PSMD14: variants seen among roughly 807,000 people sequenced by gnomAD.
PSMD14 encodes the protein ubiquitin C-terminal hydrolase PSMD14.
Under a neutral mutation model 41.2 loss-of-function variants are expected in PSMD14, and 7 were observed. The observed-to-expected ratio is 0.17, with a 90% CI of 0.10 to 0.32. PSMD14 has a LOEUF of 0.32. PSMD14 is among the 10% of genes least tolerant of loss of function. The pLI is 1.00. For missense variants in PSMD14, 139 were observed against 375.6 expected (o/e 0.37, Z 5.21); for synonymous variants, 114 against 122.3 (o/e 0.93, Z 0.45).
intron 3 of PSMD14, among the ~76,000 whole-genome samples, chr2:161,341,970 C>T (rs1480819249): frequency 6.6e-6 from 1 of 151,210 alleles, no homozygotes; most frequent in African/African-American, 2.4e-5. Flanking sequence ...TCTTTTCTTC[C>T]AGAAGTTTTA....
intron 1 of PSMD14, among the ~76,000 whole-genome samples, chr2:161,312,680 A>G (rs903760459): frequency 6.6e-6 from 1 of 152,228 alleles, no homozygotes; most frequent in African/African-American, 2.4e-5. Context: ...TAATTATATC[A>G]TGAATGAGCT....
intron 3 of PSMD14, among the ~76,000 whole-genome samples, chr2:161,360,049 A>G (rs1398156006): frequency 6.6e-6 from 1 of 152,190 alleles, no homozygotes; most frequent in Non-Finnish European, 1.5e-5. Flanking sequence ...AAATAAACAA[A>G]AAACAAAGAT....
At chr2:161,329,396 T>C (rs1159339372) in intron 3 of PSMD14, among the ~76,000 whole-genome samples, 1 of 152,146 alleles carries the variant, frequency 6.6e-6, no homozygotes, top group Non-Finnish European at 1.5e-5. Context: ...AGTATGCAAA[T>C]GAGCAGACCT....
At chr2:161,400,738 G>A (rs181735067) in intron 10 of PSMD14, among the ~76,000 whole-genome samples, 17 of 151,864 alleles carry the variant, frequency 1.1e-4, no homozygotes, top group African/African-American at 3.9e-4. Context: ...TAGAGATGGG[G>A]TTTCACTCTG....
At chr2:161,375,121 G>C (rs1683486047) in intron 7 of PSMD14, among the ~76,000 whole-genome samples, 1 of 151,968 alleles carries the variant, frequency 6.6e-6, no homozygotes, top group Admixed American at 6.6e-5. Flanking sequence ...CTGCAGGTCA[G>C]CTTATCTGCA....
intron 3 of PSMD14, among the ~76,000 whole-genome samples, chr2:161,320,180 T>C (rs1689188058): frequency 6.6e-6 from 1 of 152,220 alleles, no homozygotes; most frequent in Non-Finnish European, 1.5e-5. Flanking sequence ...ATGTAGATAG[T>C]GCAGATTTAC....
intron 7 of PSMD14, among the ~76,000 whole-genome samples, chr2:161,380,173 A>T (rs1272890633): frequency 1.3e-5 from 2 of 152,026 alleles, no homozygotes; most frequent in African/African-American, 2.4e-5. Context: ...GAAGGGTTAA[A>T]TAACTTGTTA....
At chr2:161,363,001 C>G (rs961211675) in intron 3 of PSMD14, among the ~76,000 whole-genome samples, 1 of 152,140 alleles carries the variant, frequency 6.6e-6, no homozygotes, top group Non-Finnish European at 1.5e-5. Context: ...TTCAGGTGTC[C>G]TCATATGAGT....
chr2:161,394,771 G>A (rs1232607898), intron 9 of PSMD14, among the ~76,000 whole-genome samples: 1 of 152,140 alleles, frequency 6.6e-6, no homozygotes, highest in Non-Finnish European at 1.5e-5. Flanking sequence ...AGTGTAGTGT[G>A]ACTATTTTAG....
chr2:161,408,442 A>G (rs925607131), intron 10 of PSMD14: 3 of 176,374 alleles, frequency 1.7e-5, no homozygotes, highest in Non-Finnish European at 3.7e-5. Context: ...GAAATGGGAA[A>G]TTGGGAAAGA....
At chr2:161,361,872 A>T (rs1206217595) in intron 3 of PSMD14, among the ~76,000 whole-genome samples, 2 of 152,282 alleles carry the variant, frequency 1.3e-5, no homozygotes, top group African/African-American at 4.8e-5. Flanking sequence ...TAAACCCATT[A>T]TGAGAGGCTT....
At chr2:161,372,842 A>G (rs973359969) in intron 7 of PSMD14, among the ~76,000 whole-genome samples, 3 of 151,902 alleles carry the variant, frequency 2.0e-5, no homozygotes, top group African/African-American at 4.8e-5. Flanking sequence ...CCCTACCACA[A>G]TATTTACAAG....
intron 3 of PSMD14, among the ~76,000 whole-genome samples, chr2:161,358,726 T>A (rs911026148): frequency 1.3e-5 from 2 of 152,074 alleles, no homozygotes; most frequent in African/African-American, 4.8e-5. Flanking sequence ...GGGTGGATCA[T>A]GAGATCAGGA....
chr2:161,340,699 G>A lies in PSMD14; in HGVS notation c.48+21826G>A, dbSNP rs1682940556. ...TCTAGAGCTCAGCAGATTTATGGAG[G>A]CAGCATGCACCCTGGGCGCCTGCCC... On this transcript the variant is annotated intron_variant, in intron 3 of 11. Transcript: ENST00000409682. The A allele has an allele frequency of 5.2e-6, 8 of 1,538,378 alleles. No individual in the cohort carries two copies. The South Asian group carries it at 8.7e-5, about 17-fold the overall frequency.
chr2:161,309,468 G>GT (rs1559034586), intron 1 of PSMD14, among the ~76,000 whole-genome samples: 1 of 152,142 alleles, frequency 6.6e-6, no homozygotes, highest in Non-Finnish European at 1.5e-5. Flanking sequence ...GGTCACAAGT[G>GT]TTTTTTTAGT....
chr2:161,376,985 C>T (rs1683511132), intron 7 of PSMD14, among the ~76,000 whole-genome samples: 1 of 151,660 alleles, frequency 6.6e-6, no homozygotes, highest in Admixed American at 6.6e-5. Flanking sequence ...AGCATAGAGT[C>T]GTTTATTAAA....
intron 3 of PSMD14, among the ~76,000 whole-genome samples, chr2:161,355,837 C>G (rs1352656852): frequency 6.6e-6 from 1 of 152,160 alleles, no homozygotes; most frequent in Non-Finnish European, 1.5e-5. Context: ...GATCCGCAAA[C>G]AGAAATGTAA....
chr2:161,324,599 A>C (rs535459138), intron 3 of PSMD14, among the ~76,000 whole-genome samples: 2 of 150,486 alleles, frequency 1.3e-5, no homozygotes, highest in Non-Finnish European at 3.0e-5. Context: ...TTTTTCCCCT[A>C]GGTGTTGTAG....
chr2:161,386,138 G>C (rs1683632855), intron 8 of PSMD14, among the ~76,000 whole-genome samples: 1 of 151,736 alleles, frequency 6.6e-6, no homozygotes, highest in Admixed American at 6.6e-5. Flanking sequence ...CTGGTATTCA[G>C]ACACTTAATA....
Sources: gnomAD v4.1 joint callset for allele counts (sites outside exome capture counted in the v4.1 genomes callset) on GRCh38, gnomAD v4.1.1 for gene constraint, MANE v1.5 for transcripts, NCBI Gene and HGNC (gene_info 2026-07-23, HGNC 2026-07-21) for gene names.